MTMR10: variants seen among roughly 807,000 people sequenced by gnomAD.
MTMR10 encodes the protein myotubularin-related protein 10.
MTMR10 carries 56 observed loss-of-function variants against 88.1 expected under a neutral mutation model. The observed-to-expected ratio is 0.64, with a 90% CI of 0.51 to 0.79. MTMR10 has a LOEUF of 0.79. Among genes scored for constraint, MTMR10 ranks in the 30% least tolerant of loss-of-function variants. MTMR10 has a pLI of 0.00. For missense variants in MTMR10, 883 were observed against 924.7 expected (o/e 0.95, Z 0.58); for synonymous variants, 380 against 340.9 (o/e 1.11, Z -1.26).
In MTMR10 at chr15:30,963,362, G is replaced by A. The variant is rs540245765; in HGVS notation, c.566-2289C>T. On this transcript the variant is annotated intron_variant, in intron 6 of 15. Coordinates refer to ENST00000435680, the MANE Select transcript of MTMR10 (RefSeq NM_017762.3). ...AAAGTAAAATGTTGCTGGGCGCGGT[G>A]GCTCATGCCTGTAATCCCAACACTT... Among the ~76,000 whole-genome samples the A allele has an allele frequency of 2.0e-5, 3 of 152,194 alleles. No individual in the cohort carries two copies. The South Asian group carries it at 6.2e-4, about 32-fold the overall frequency.
Position 30,939,009 on chromosome 15 carries a change from A to G in MTMR10, c.*2461T>C. 7 of 985,352 alleles carry G rather than the reference A, an allele frequency of 7.1e-6. No individual in the cohort carries two copies. Among genetic ancestry groups the G allele is most frequent in the Non-Finnish European group, 6.0e-6 (5 of 829,838 alleles). 61.0% of individuals were successfully genotyped at this position (985,352 alleles called of 1,614,324 possible). The stretch of plus-strand genomic sequence containing the variant: ...ACATTCAATACTGTTGAACAACAAG[A>G]TAACACATCTTCTTGCTCATCCCAC... On this transcript the variant is annotated 3_prime_UTR_variant, in exon 16 of 16. Coordinates refer to ENST00000435680, the MANE Select transcript of MTMR10 (RefSeq NM_017762.3).
chr15:30,953,434 T>C, intron 11 of MTMR10, 128 bp downstream of exon 11: 1 of 681,992 alleles, frequency 1.5e-6, no homozygotes, highest in African/African-American at 1.8e-5. Context: ...AGTTACGAGA[T>C]GTTACTATTG....
At chr15:30,942,281 A>C (rs1388486570) in intron 15 of MTMR10, 1 of 634,640 alleles carries the variant, frequency 1.6e-6, no homozygotes, top group Non-Finnish European at 2.7e-6. Flanking sequence ...GGCTGTTACT[A>C]TCAGCCTGAA....
At chr15:30,987,886 G>A (rs1267667876) in intron 2 of MTMR10, among the ~76,000 whole-genome samples, 12 of 55,150 alleles carry the variant, frequency 2.2e-4, no homozygotes, top group African/African-American at 5.5e-4. Context: ...CAACACCCCC[G>A]ACAGGCCCCG....
chr15:30,960,683 C>A (rs1441655195), intron 7 of MTMR10, among the ~76,000 whole-genome samples, 198 bp downstream of exon 7: 1 of 152,142 alleles, frequency 6.6e-6, no homozygotes, highest in African/African-American at 2.4e-5. Flanking sequence ...TAAGGAATTA[C>A]TATCAACTTC....
the MTMR10 span, among the ~76,000 whole-genome samples, chr15:30,929,717 T>C: frequency 1.9e-4 from 12 of 64,338 alleles, 1 homozygote; most frequent in African/African-American, 7.5e-4. Context: ...TCATATATAA[T>C]ATATATAAAA....
At chr15:30,927,674 T>TG in the MTMR10 span, 1 of 985,600 alleles carries the variant, frequency 1.0e-6, no homozygotes, top group Non-Finnish European at 1.2e-6. Flanking sequence ...GATGGGGGTC[T>TG]GGTGGTCAGC....
chr15:30,936,656 T>C (rs978684137), downstream of MTMR10, among the ~76,000 whole-genome samples: 4 of 84,836 alleles, frequency 4.7e-5, no homozygotes, highest in Non-Finnish European at 6.8e-5. Flanking sequence ...ACTGAAAATA[T>C]TGTTAAGTTG....
intron 9 of MTMR10, among the ~76,000 whole-genome samples, chr15:30,957,521 G>C (rs773180518): frequency 1.4e-4 from 22 of 152,162 alleles, no homozygotes; most frequent in Non-Finnish European, 3.1e-4. Context: ...TCAGGAGTTC[G>C]AGACCAGCCT....
the MTMR10 span, chr15:30,929,440 C>T: frequency 6.6e-7 from 1 of 1,516,804 alleles, no homozygotes; most frequent in African/African-American, 1.4e-5. Context: ...AGAAAGTTAA[C>T]ACCGCCCCAG....
chr15:30,919,550 G>A, the MTMR10 span, among the ~76,000 whole-genome samples: 59 of 151,824 alleles, frequency 3.9e-4, no homozygotes, highest in Non-Finnish European at 7.8e-4. Flanking sequence ...AATTAGGTGG[G>A]TGTTGTGACG....
chr15:30,991,363 G>T, intron 1 of MTMR10, 84 bp downstream of exon 1: 1 of 1,306,644 alleles, frequency 7.7e-7, no homozygotes, highest in Non-Finnish European at 1.0e-6. Flanking sequence ...AGCCTCCTGG[G>T]GTCCTCCAGT....
At chr15:30,985,719 G>C (rs2030899223) in intron 2 of MTMR10, among the ~76,000 whole-genome samples, 1 of 152,226 alleles carries the variant, frequency 6.6e-6, no homozygotes, top group East Asian at 1.9e-4. Flanking sequence ...AGAATACAAG[G>C]CTTTTGTGTC....
At chr15:30,976,354 C>T (rs543266849) in intron 3 of MTMR10, among the ~76,000 whole-genome samples, 3 of 152,006 alleles carry the variant, frequency 2.0e-5, no homozygotes, top group Admixed American at 6.5e-5. Context: ...TGCAGTGAGC[C>T]GACATCATGC....
chr15:30,953,720 A>G (rs1268212832), intron 10 of MTMR10, 89 bp from the exon 11 acceptor site: 3 of 837,760 alleles, frequency 3.6e-6, no homozygotes, highest in Non-Finnish European at 5.5e-6. Context: ...TCTAATATTT[A>G]AAAGTTAGCT....
chr15:30,963,475 T>C (rs1345236821), intron 6 of MTMR10, among the ~76,000 whole-genome samples: 1 of 144,642 alleles, frequency 6.9e-6, no homozygotes, highest in East Asian at 2.0e-4. Context: ...TTAAAAATAC[T>C]AAAAAAAAAA....
At chr15:30,927,490 C>T in the MTMR10 span, 1 of 985,588 alleles carries the variant, frequency 1.0e-6, no homozygotes, top group Admixed American at 6.1e-5. Flanking sequence ...AGCACAGCCT[C>T]AGAAGTGCAG....
chr15:30,984,528 T>C (rs539670797), intron 2 of MTMR10, among the ~76,000 whole-genome samples: 64 of 152,276 alleles, frequency 4.2e-4, no homozygotes, highest in African/African-American at 1.4e-3. Flanking sequence ...TCTTTGCCTT[T>C]AAGGAATTAA....
the MTMR10 span, among the ~76,000 whole-genome samples, chr15:30,931,706 AT>A: frequency 2.9e-4 from 44 of 152,210 alleles, no homozygotes; most frequent in African/African-American, 1.0e-3. Flanking sequence ...TTCCCTCTGT[AT>A]CTTTGTCAAA....
Sources: allele counts gnomAD v4.1 joint callset (sites outside exome capture counted in the v4.1 genomes callset), GRCh38; gene constraint gnomAD v4.1.1; transcripts MANE v1.5; gene names NCBI Gene and HGNC (gene_info 2026-07-23, HGNC 2026-07-21).